Variants in MCC observed in about 807,000 individuals in gnomAD.
MCC encodes MCC regulator of Wnt signaling pathway, also known as colorectal mutant cancer protein.
Under a neutral mutation model 116.2 loss-of-function variants are expected in MCC, and 90 were observed. That is an observed-to-expected ratio of 0.77 (90% CI 0.65 to 0.92). The LOEUF (loss-of-function observed/expected upper bound fraction) is 0.92, where lower values mean the gene tolerates loss of function less well. Ranked by LOEUF, MCC falls within the 40% of genes least tolerant of loss-of-function variation. The probability of loss-of-function intolerance (pLI) is 0.00; values close to 1 mark genes in which losing one functional copy is unlikely to be tolerated. For synonymous variants in MCC, 578 were observed against 510.5 expected (o/e 1.13, Z -1.78); for missense variants, 1,516 against 1,312.2 (o/e 1.16, Z -2.40).
rs144701142 is a variant in MCC, at chr5:113,093,469, ATCTCTC to A, written c.1399-8165_1399-8160del. On this transcript the variant is annotated intron_variant, in intron 8 of 18. Transcript: ENST00000408903. ...ATCTATCTTATCTATCTATCTGTTG[ATCTCTC>A]TCTCTCTCTCTCTCTCAATCAATCC... 3.9e-3 allele frequency among the ~76,000 whole-genome samples: 581 copies of A among 149,294 alleles called. 2 individuals carry two copies. Among genetic ancestry groups the A allele is most frequent in the Non-Finnish European group, 6.1e-3 (410 of 67,234 alleles).
At chr5:113,426,762 C>T (rs1210987878) in intron 1 of MCC, among the ~76,000 whole-genome samples, 8 of 152,280 alleles carry the variant, frequency 5.3e-5, no homozygotes, top group African/African-American at 9.6e-5. Flanking sequence ...AAACACATGC[C>T]TAACCAATGG....
chr5:113,417,666 C>T (rs1314738775), intron 1 of MCC, among the ~76,000 whole-genome samples: 1 of 152,170 alleles, frequency 6.6e-6, no homozygotes, highest in Non-Finnish European at 1.5e-5. Flanking sequence ...AGGCCAGGCA[C>T]GCCTGTAATT....
chr5:113,426,608 T>A (rs917961685), intron 1 of MCC, among the ~76,000 whole-genome samples: 1 of 152,198 alleles, frequency 6.6e-6, no homozygotes, highest in African/African-American at 2.4e-5. Context: ...AATCATCTTG[T>A]GACCCTGGGG....
chr5:113,162,005 T>C (rs1285575778), intron 3 of MCC, among the ~76,000 whole-genome samples: 1 of 152,048 alleles, frequency 6.6e-6, no homozygotes, highest in African/African-American at 2.4e-5. Flanking sequence ...TGCTGGTACA[T>C]CTAATCCAAA....
At chr5:113,044,523 TGA>T in intron 16 of MCC, 1 of 975,120 alleles carries the variant, frequency 1.0e-6, no homozygotes, top group Non-Finnish European at 1.2e-6. Flanking sequence ...GCTGCAGACC[TGA>T]GAATAAAAAG....
chr5:113,217,093 A>G (rs867825179), intron 3 of MCC, among the ~76,000 whole-genome samples: 5 of 152,356 alleles, frequency 3.3e-5, no homozygotes, highest in East Asian at 1.9e-4. Context: ...ATCTTTTCAT[A>G]GCAGGAGCCC....
chr5:113,224,646 T>G (rs1233169853), intron 3 of MCC, among the ~76,000 whole-genome samples: 2 of 152,090 alleles, frequency 1.3e-5, no homozygotes, highest in African/African-American at 4.8e-5. Context: ...GTATCACCAC[T>G]AATCCAAACA....
chr5:113,126,873 G>T (rs1440217427), intron 5 of MCC, among the ~76,000 whole-genome samples: 1 of 152,094 alleles, frequency 6.6e-6, no homozygotes, highest in East Asian at 1.9e-4. Flanking sequence ...TATTGTTGGG[G>T]TTTTTTAAAC....
intron 16 of MCC, 21 bp downstream of exon 16, chr5:113,049,072 C>T (rs377329469): frequency 3.7e-6 from 6 of 1,613,228 alleles, no homozygotes; most frequent in Non-Finnish European, 5.1e-6. Context: ...TAAGGGTGTC[C>T]CCAAGCCACT....
At chr5:113,078,608 G>C (rs888959074) in intron 11 of MCC, among the ~76,000 whole-genome samples, 1 of 152,114 alleles carries the variant, frequency 6.6e-6, no homozygotes, top group Non-Finnish European at 1.5e-5. Flanking sequence ...ACATTCAACA[G>C]CTCTTCATGC....
rs115310392 is a variant in MCC, at chr5:113,438,718, T to C, written c.170+49527A>G. ...AAACTATTTTCTAGTATCTGTTAAA[T>C]ACTTTTCTTAACACTACTAAGCACT... On this transcript the variant is annotated intron_variant, in intron 1 of 18. Coordinates refer to ENST00000408903, the MANE Select transcript of MCC (RefSeq NM_001085377.2). Among the ~76,000 whole-genome samples, 1,002 of 152,348 alleles carry C rather than the reference T, an allele frequency of 6.6e-3. 8 individuals are homozygous for C. Among genetic ancestry groups the C allele is most frequent in the Middle Eastern group, 0.014 (4 of 294 alleles).
intron 3 of MCC, among the ~76,000 whole-genome samples, chr5:113,265,849 A>T (rs1276097864): frequency 6.6e-6 from 1 of 152,130 alleles, no homozygotes; most frequent in African/African-American, 2.4e-5. Flanking sequence ...AGACAGGTCA[A>T]ATTCACACGT....
At position 113,204,123 on chromosome 5, in the gene MCC, T is replaced by C. The variant is rs147755746; in HGVS notation, c.628-52701A>G. ...AAGCCTACAAACACGGTCAAGGAGA[T>C]GACTGGGAGTAACTACATCTGTGCC... On this transcript the variant is annotated intron_variant, in intron 3 of 18. Coordinates refer to ENST00000408903, the MANE Select transcript of MCC (RefSeq NM_001085377.2). Among the ~76,000 whole-genome samples the C allele has an allele frequency of 2.4e-4, 36 of 152,314 alleles. No individual in the cohort carries two copies. The East Asian group carries it at 6.7e-3, about 29-fold the overall frequency.
chr5:113,384,044 C>A (rs1769187625), intron 2 of MCC, among the ~76,000 whole-genome samples: 1 of 151,042 alleles, frequency 6.6e-6, no homozygotes, highest in Non-Finnish European at 1.5e-5. Context: ...TCAAGGCTAC[C>A]CTTTAAGATG....
At chr5:113,430,338 G>A (rs1339571311) in intron 1 of MCC, among the ~76,000 whole-genome samples, 1 of 152,194 alleles carries the variant, frequency 6.6e-6, no homozygotes, top group Non-Finnish European at 1.5e-5. Flanking sequence ...AGAGCACTAG[G>A]TAAAGTTCTT....
At chr5:113,206,662 T>C (rs1172583723) in intron 3 of MCC, among the ~76,000 whole-genome samples, 1 of 152,222 alleles carries the variant, frequency 6.6e-6, no homozygotes, top group African/African-American at 2.4e-5. Flanking sequence ...TGAGCTAAGA[T>C]TGCACCACTG....
At chr5:113,480,378 A>G (rs1772347561) in intron 1 of MCC, among the ~76,000 whole-genome samples, 2 of 152,246 alleles carry the variant, frequency 1.3e-5, no homozygotes, top group Admixed American at 1.3e-4. Context: ...ATAAAATACC[A>G]TATTTCAAAA....
chr5:113,061,887 T>C (rs1753249403), intron 14 of MCC, among the ~76,000 whole-genome samples: 1 of 152,218 alleles, frequency 6.6e-6, no homozygotes, highest in African/African-American at 2.4e-5. Flanking sequence ...GGGGAATGTC[T>C]GAGCCAGAAT....
At chr5:113,294,397 C>T in intron 3 of MCC, 2 of 1,572,960 alleles carry the variant, frequency 1.3e-6, no homozygotes, top group Non-Finnish European at 1.7e-6. Context: ...ATGCACTTTT[C>T]AGAGCTGGGC....
Sources: allele counts gnomAD v4.1 joint callset (sites outside exome capture counted in the v4.1 genomes callset), GRCh38; gene constraint gnomAD v4.1.1; transcripts MANE v1.5; gene names NCBI Gene and HGNC (gene_info 2026-07-23, HGNC 2026-07-21).